The following ZP4 variants were observed in gnomAD, a reference collection of about 807,000 sequenced individuals.
ZP4 encodes the protein zona pellucida sperm-binding protein 4.
A neutral mutation model predicts 62.3 loss-of-function variants in ZP4; 62 were observed. The observed-to-expected ratio is 0.99, with a 90% CI of 0.81 to 1.23. The LOEUF (loss-of-function observed/expected upper bound fraction) is 1.23. Ranked by LOEUF, ZP4 falls within the 50% of genes most tolerant of loss-of-function variation. The pLI is 0.00. For missense variants in ZP4, 774 were observed against 656.0 expected, an observed-to-expected ratio of 1.18 and a Z score of -1.97; for synonymous variants, 289 against 247.3, an observed-to-expected ratio of 1.17 and a Z score of -1.58.
chr1:237,887,248 C>A lies in ZP4; in HGVS notation c.741+126G>T, dbSNP rs1665124803. ...ATGAGGCATTCTCCTGCCCTAGGGA[C>A]TCTCCCAAACTCCAAGTAGTAGTCA... On this transcript the variant is annotated intron_variant, in intron 5 of 11. Coordinates refer to ENST00000366570, the MANE Select transcript of ZP4 (RefSeq NM_021186.5). 7 of 1,106,970 alleles carry A rather than the reference C, an allele frequency of 6.3e-6. No homozygotes were observed. The South Asian group carries it at 9.1e-5, about 14-fold the overall frequency. 68.6% of individuals were successfully genotyped at this position (1,106,970 alleles called of 1,614,324 possible). A position where few individuals can be genotyped will look rare whatever the true frequency, so the allele number is the denominator to read the frequency against.
Position 237,883,469 on chromosome 1 carries a change from C to A in ZP4, c.1391-623G>T, listed in dbSNP as rs984596845. On this transcript the variant is annotated intron_variant, in intron 10 of 11. Transcript: ENST00000366570. ...GTGGCTCATGCCTGTAATCCCAACA[C>A]TTTGGGGGGCCAAGGCAGGTGGATC... Among the ~76,000 whole-genome samples, 3 of 151,426 alleles carry A rather than the reference C, an allele frequency of 2.0e-5. No individual in the cohort carries two copies. In the East Asian group the frequency reaches 5.9e-4, roughly 30 times the overall value.
At chr1:237,883,708 G>GAAGAGA (rs1664982589) in intron 10 of ZP4, among the ~76,000 whole-genome samples, 1 of 19,884 alleles carries the variant, frequency 5.0e-5, no homozygotes. Flanking sequence ...GGAGGGCGGG[G>GAAGAGA]GAGGGCGGGG....
At position 237,890,715 on chromosome 1, in the gene ZP4, T is replaced by C; in HGVS notation, c.-80A>G. On this transcript the variant is annotated 5_prime_UTR_variant, in exon 1 of 12. Transcript: ENST00000366570. Reference sequence around the variant, plus strand: ...CCGAGGGTCTGCCTGCCCAGATTCCTTTATATACAGAAGTCAGGCTTGTTT... The same window carrying C: ...CCGAGGGTCTGCCTGCCCAGATTCCCTTATATACAGAAGTCAGGCTTGTTT... 1 of 1,487,746 alleles carries C rather than the reference T, an allele frequency of 6.7e-7. No homozygotes were observed. Among genetic ancestry groups the C allele is most frequent in the Non-Finnish European group, 9.0e-7 (1 of 1,106,696 alleles). The allele number at this position is 1,487,746 out of a possible 1,614,324, so 92.2% of individuals were successfully genotyped here.
At chr1:237,886,119 G>T (rs771761291) in intron 6 of ZP4, among the ~76,000 whole-genome samples, 17 of 152,192 alleles carry the variant, frequency 1.1e-4, no homozygotes, top group Non-Finnish European at 2.4e-4. Flanking sequence ...ATGAGAAACA[G>T]ATGCTTGCCA....
At position 237,884,001 on chromosome 1, in the gene ZP4, CACACACACACACACAA is replaced by C. The variant is rs753423645; in HGVS notation, c.1390+752_1390+767del. Among the ~76,000 whole-genome samples the C allele has an allele frequency of 4.3e-3, 365 of 85,354 alleles. 9 individuals are homozygous for C. Among genetic ancestry groups the C allele is most frequent in the South Asian group, 0.019 (40 of 2,092 alleles). 56.0% of individuals were successfully genotyped at this position (85,354 alleles called of 152,430 possible). A position where few individuals can be genotyped will look rare whatever the true frequency, so the allele number is the denominator to read the frequency against. On this transcript the variant is annotated intron_variant, in intron 10 of 11. Transcript: ENST00000366570. ...ACACACAAACACACACACACACACA[CACACACACACACACAA>C]ACACACACACACACAAACACACACA...
At chr1:237,883,201 T>A (rs1415489987) in intron 10 of ZP4, among the ~76,000 whole-genome samples, 1 of 152,180 alleles carries the variant, frequency 6.6e-6, no homozygotes, top group Non-Finnish European at 1.5e-5. Flanking sequence ...AACAATTTAA[T>A]GAGTTTAGAT....
In ZP4 at chr1:237,890,055, C is replaced by T. The variant is rs1380583801; in HGVS notation, c.297G>A (p.Trp99Ter). Residue 99 changes from tryptophan (W) to a stop codon, truncating the protein, a stop_gained and splice_region_variant, in exon 2 of 12, where the codon TGG becomes TGA. Transcript: ENST00000366570. LOFTEE classifies it high-confidence loss of function. ...ATYSSCYVTE[W>*]DSHYIMPVGV... ...TCCCTGGCCATTGGGTCATACTCAC[C>T]CACTCAGTGACATAGCAGCTGCTAT... 6.2e-7 allele frequency: 1 copy of T among 1,613,982 alleles called. No individual in the cohort carries two copies. Among genetic ancestry groups the T allele is most frequent in the Non-Finnish European group, 8.5e-7 (1 of 1,180,022 alleles).
In ZP4 at chr1:237,883,724, CGGGGGAGGGAGAGAGAGGGA is replaced by C. The variant is rs1558530131; in HGVS notation, c.1391-898_1391-879del. Among the ~76,000 whole-genome samples, 13 of 8,484 alleles carry C rather than the reference CGGGGGAGGGAGAGAGAGGGA, an allele frequency of 1.5e-3. 1 individual carries two copies. Among genetic ancestry groups the C allele is most frequent in the Non-Finnish European group, 2.5e-3 (9 of 3,554 alleles). 5.6% of individuals were successfully genotyped at this position (8,484 alleles called of 152,430 possible). ...GAGGGCGGGGGAGGGCGGGGGAGGGCGGGGGAGGGAGAGAGAGGGAGAGAGAGGGAGAGAGAGGGAGAGAG... is the reference window on the plus strand; with the variant it reads ...GAGGGCGGGGGAGGGCGGGGGAGGGCGAGAGAGGGAGAGAGAGGGAGAGAG... On this transcript the variant is annotated intron_variant, in intron 10 of 11. Transcript: ENST00000366570.
intron 4 of ZP4, 144 bp downstream of exon 4, chr1:237,888,214 A>G (rs1665152118): frequency 5.5e-6 from 4 of 733,576 alleles, no homozygotes; most frequent in Non-Finnish European, 2.0e-6. Flanking sequence ...AGTCTGTTAC[A>G]TTGGGATCAA....
intron 5 of ZP4, 141 bp from the exon 6 acceptor site, chr1:237,887,009 A>G: frequency 2.7e-6 from 2 of 737,380 alleles, no homozygotes; most frequent in Non-Finnish European, 4.4e-6. Context: ...AACACATAGC[A>G]GTGACATCCT....
Position 237,885,278 on chromosome 1 carries a change from T to G in ZP4, c.1198A>C (p.Ile400Leu). ...AGATCCAAGGCTTTCTGGACAGGGA[T>G]CAGCTGGGTCTGATAGTTGTCTCCA... ...YIGDNYQTQLIPVQKALDLPF... is the reference protein window; with the variant it reads ...YIGDNYQTQLLPVQKALDLPF... The change falls in exon 9 of 12, where the codon ATC becomes CTC. Residue 400 changes from isoleucine (I) to leucine (L), a missense_variant. Transcript: ENST00000366570. 2 of 1,614,096 alleles carry G rather than the reference T, an allele frequency of 1.2e-6. No homozygotes were observed. Among genetic ancestry groups the G allele is most frequent in the Non-Finnish European group, 1.7e-6 (2 of 1,180,016 alleles).
chr1:237,883,977 C>CAA lies in ZP4; in HGVS notation c.1390+791_1390+792insTT, dbSNP rs1665012352. Among the ~76,000 whole-genome samples, 5 of 40,660 alleles carry CAA rather than the reference C, an allele frequency of 1.2e-4. 1 individual carries two copies. Among genetic ancestry groups the CAA allele is most frequent in the African/African-American group, 5.8e-4 (4 of 6,932 alleles). The allele number at this position is 40,660 out of a possible 152,430, so 26.7% of individuals were successfully genotyped here. A position where few individuals can be genotyped will look rare whatever the true frequency, so the allele number is the denominator to read the frequency against. On this transcript the variant is annotated intron_variant, in intron 10 of 11. Transcript: ENST00000366570. ...CTGGTCACACACACAAACACACACA[C>CAA]ACACAAACACACACACACACACACA...
chr1:237,883,404 G>A (rs577498235), intron 10 of ZP4, among the ~76,000 whole-genome samples: 214 of 151,260 alleles, frequency 1.4e-3, no homozygotes, highest in Middle Eastern at 3.4e-3. Flanking sequence ...GCAACATAAA[G>A]ATCCATCTCT....
intron 10 of ZP4, among the ~76,000 whole-genome samples, chr1:237,883,857 G>A (rs1262514313): frequency 6.6e-6 from 1 of 150,992 alleles, no homozygotes; most frequent in Non-Finnish European, 1.5e-5. Context: ...TTAGTTGGGA[G>A]GCTGAACTGG....
chr1:237,884,017 A>AAACAC (rs1665027196), intron 10 of ZP4, among the ~76,000 whole-genome samples: 10 of 87,984 alleles, frequency 1.1e-4, no homozygotes, highest in South Asian at 9.0e-4. Context: ...CACACACACA[A>AAACAC]ACACACACAC....
At position 237,890,857 on chromosome 1, in the gene ZP4, G is replaced by A; in HGVS notation, c.-222C>T. The A allele has an allele frequency of 2.2e-6, 1 of 448,744 alleles. No individual in the cohort carries two copies. Among genetic ancestry groups the A allele is most frequent in the Non-Finnish European group, 3.9e-6 (1 of 255,162 alleles). 27.8% of individuals were successfully genotyped at this position (448,744 alleles called of 1,614,324 possible). A position where few individuals can be genotyped will look rare whatever the true frequency, so the allele number is the denominator to read the frequency against. ...GCCTCACATTAAATACCACAATCCA[G>A]GCAGACTTCAGAGCCCAAGAAAAAT... is the stretch of plus-strand genomic sequence containing the variant. On this transcript the variant is annotated 5_prime_UTR_variant, in exon 1 of 12. Transcript: ENST00000366570.
rs1571929018 is a variant in ZP4, at chr1:237,882,813, G to A, written c.1424C>T (p.Thr475Ile). 6.2e-7 allele frequency: 1 copy of A among 1,614,152 alleles called. No homozygotes were observed. The highest frequency in any genetic ancestry group is 1.3e-5 in the African/African-American group (1 of 75,048). The change falls in exon 11 of 12, where the codon ACT (threonine) becomes ATT (isoleucine). Residue 475 changes from threonine to isoleucine, a missense_variant. Thr to Ile is a moderately conservative substitution (Grantham distance 89). Coordinates refer to ENST00000366570, the MANE Select transcript of ZP4 (RefSeq NM_021186.5). ...RRNFDNSSQN[T>I]TASVSSKGPM... Reference sequence around the variant, plus strand: ...GCCTTTGCTAGAAACACTAGCAGTAGTGTTCTGAGAACTGTTGTCAAAATT... The same window carrying A: ...GCCTTTGCTAGAAACACTAGCAGTAATGTTCTGAGAACTGTTGTCAAAATT...
At chr1:237,883,583 A>C (rs1399197302) in intron 10 of ZP4, among the ~76,000 whole-genome samples, 1 of 142,270 alleles carries the variant, frequency 7.0e-6, no homozygotes, top group Non-Finnish European at 1.5e-5. Flanking sequence ...ACTTTGTGGC[A>C]CATGCCTGTA....
intron 3 of ZP4, among the ~76,000 whole-genome samples, 192 bp downstream of exon 3, chr1:237,889,675 C>T (rs539894273): frequency 6.6e-6 from 1 of 152,262 alleles, no homozygotes; most frequent in East Asian, 1.9e-4. Flanking sequence ...TGCTTACCCA[C>T]AGTGCCTTGG....
Sources: allele counts gnomAD v4.1 joint callset (sites outside exome capture counted in the v4.1 genomes callset), GRCh38; gene constraint gnomAD v4.1.1; transcripts MANE v1.5; gene names NCBI Gene and HGNC (gene_info 2026-07-23, HGNC 2026-07-21).